Variants in CPXM2 observed in about 807,000 individuals in gnomAD.
CPXM2 encodes inactive carboxypeptidase-like protein X2.
In CPXM2, 66 loss-of-function variants were observed where a neutral mutation model predicts 86.1. That is an observed-to-expected ratio of 0.77 (90% CI 0.63 to 0.94). The LOEUF (loss-of-function observed/expected upper bound fraction) is 0.94, where lower values mean the gene tolerates loss of function less well. Ranked by LOEUF, CPXM2 falls within the 40% of genes least tolerant of loss-of-function variation. The probability of loss-of-function intolerance (pLI) is 0.00; values close to 1 mark genes in which losing one functional copy is unlikely to be tolerated. For synonymous variants in CPXM2, 388 were observed against 400.2 expected (o/e 0.97, Z 0.36); for missense variants, 948 against 1,026.3 (o/e 0.92, Z 1.04).
chr10:123,775,689 T>C (rs1214110257), intron 7 of CPXM2, among the ~76,000 whole-genome samples: 2 of 152,246 alleles, frequency 1.3e-5, no homozygotes, highest in Non-Finnish European at 2.9e-5. Flanking sequence ...ACAAAGTGCA[T>C]GCCACTGTGC....
chr10:123,941,528 C>A (rs1945776941), upstream of CPXM2, among the ~76,000 whole-genome samples: 1 of 152,250 alleles, frequency 6.6e-6, no homozygotes, highest in Non-Finnish European at 1.5e-5. Flanking sequence ...TCTGTTGTAA[C>A]CTTATTTCAT....
chr10:123,820,714 A>G (rs147301562), intron 4 of CPXM2, among the ~76,000 whole-genome samples: 1 of 152,294 alleles, frequency 6.6e-6, no homozygotes, highest in Non-Finnish European at 1.5e-5. Context: ...TCCAGCTTCC[A>G]GAGGCCACCC....
intron 4 of CPXM2, among the ~76,000 whole-genome samples, chr10:123,829,040 C>T (rs1224044505): frequency 6.6e-6 from 1 of 152,086 alleles, no homozygotes; most frequent in Non-Finnish European, 1.5e-5. Flanking sequence ...GTAAACAATG[C>T]AACTAGAACA....
intron 7 of CPXM2, chr10:123,776,580 C>T (rs2134020149): frequency 6.6e-6 from 1 of 152,286 alleles, no homozygotes. Context: ...CCAAATGCTC[C>T]AGAGCAGGAA....
intron 2 of CPXM2, among the ~76,000 whole-genome samples, chr10:123,927,210 T>A (rs1945630522): frequency 6.6e-6 from 1 of 152,166 alleles, no homozygotes; most frequent in Non-Finnish European, 1.5e-5. Flanking sequence ...GGAAGGACAG[T>A]CTCTCCTCTT....
chr10:123,860,892 C>T (rs1416590512), intron 3 of CPXM2, among the ~76,000 whole-genome samples: 4 of 152,184 alleles, frequency 2.6e-5, no homozygotes, highest in Admixed American at 6.5e-5. Flanking sequence ...AACCAACCTT[C>T]GGATCTCCTT....
At chr10:123,842,021 C>T (rs890452483) in intron 4 of CPXM2, among the ~76,000 whole-genome samples, 8 of 152,234 alleles carry the variant, frequency 5.3e-5, no homozygotes, top group African/African-American at 1.9e-4. Context: ...GGGCTGTGCC[C>T]TGGCCACCAG....
At chr10:123,860,181 TACAGTA>T (rs1848821867) in intron 3 of CPXM2, among the ~76,000 whole-genome samples, 1 of 152,156 alleles carries the variant, frequency 6.6e-6, no homozygotes, top group Non-Finnish European at 1.5e-5. Context: ...ACTTTCCTCA[TACAGTA>T]ACTAGAAGCC....
chr10:123,763,651 A>G (rs1846400044), intron 10 of CPXM2, among the ~76,000 whole-genome samples: 1 of 151,678 alleles, frequency 6.6e-6, no homozygotes, highest in South Asian at 2.1e-4. Flanking sequence ...GATTCATCCT[A>G]TTGTTGAATA....
chr10:123,873,136 T>A (rs775725933), intron 2 of CPXM2, among the ~76,000 whole-genome samples: 10 of 152,164 alleles, frequency 6.6e-5, no homozygotes, highest in African/African-American at 2.4e-4. Flanking sequence ...TTATTTCATA[T>A]ACATTACGAT....
At chr10:123,781,720 C>T (rs191333612) in intron 6 of CPXM2, among the ~76,000 whole-genome samples, 31 of 152,280 alleles carry the variant, frequency 2.0e-4, no homozygotes, top group Non-Finnish European at 3.8e-4. Flanking sequence ...ATTGCCTGTT[C>T]GCTATACCCA....
At chr10:123,747,137 T>C (rs951100545) in intron 13 of CPXM2, 120 bp from the exon 14 acceptor site, 4 of 1,198,472 alleles carry the variant, frequency 3.3e-6, no homozygotes, top group Middle Eastern at 2.3e-4. Flanking sequence ...CAACGTGGAA[T>C]CCGAGCTCCT....
intron 3 of CPXM2, among the ~76,000 whole-genome samples, chr10:123,854,406 T>TA (rs1491206971): frequency 1.8e-5 from 2 of 113,802 alleles, no homozygotes; most frequent in African/African-American, 7.2e-5. Context: ...TATATATATA[T>TA]TATATATAAA....
intron 2 of CPXM2, among the ~76,000 whole-genome samples, chr10:123,906,730 T>G: frequency 6.6e-6 from 1 of 152,102 alleles, no homozygotes; most frequent in East Asian, 1.9e-4. Context: ...AGACAGGAAA[T>G]CTATGCAAGA....
At chr10:123,836,327 C>T (rs1221190698) in intron 4 of CPXM2, among the ~76,000 whole-genome samples, 2 of 152,114 alleles carry the variant, frequency 1.3e-5, no homozygotes, top group African/African-American at 4.8e-5. Flanking sequence ...AGCCTCATCT[C>T]CCACAGCGGC....
intron 4 of CPXM2, among the ~76,000 whole-genome samples, chr10:123,806,257 A>G (rs1847576509): frequency 6.6e-6 from 1 of 152,086 alleles, no homozygotes; most frequent in Non-Finnish European, 1.5e-5. Flanking sequence ...TTCTAGATTG[A>G]TGTTTATTTT....
chr10:123,937,390 C>CG (rs113239620), intron 2 of CPXM2, among the ~76,000 whole-genome samples: 56,328 of 151,388 alleles, frequency 0.37, 12,291 homozygotes, highest in African/African-American at 0.61. Context: ...TCTGCAACCT[C>CG]AGGACCCCCC....
At chr10:123,831,437 G>T (rs573388462) in intron 4 of CPXM2, among the ~76,000 whole-genome samples, 6 of 152,368 alleles carry the variant, frequency 3.9e-5, no homozygotes, top group African/African-American at 1.4e-4. Context: ...AGGCATAGAG[G>T]AGGCTGGTCA....
chr10:123,845,195 G>A (rs550545944), intron 3 of CPXM2, among the ~76,000 whole-genome samples: 1 of 152,050 alleles, frequency 6.6e-6, no homozygotes, highest in African/African-American at 2.4e-5. Context: ...AGGCACAGAG[G>A]AGGCAGGGGT....
Sources: allele counts gnomAD v4.1 joint callset (sites outside exome capture counted in the v4.1 genomes callset), GRCh38; gene constraint gnomAD v4.1.1; transcripts MANE v1.5; gene names NCBI Gene and HGNC (gene_info 2026-07-23, HGNC 2026-07-21).